TNNT1: variants seen among roughly 807,000 people sequenced by gnomAD.
TNNT1 encodes the protein troponin T, slow skeletal muscle.
In TNNT1, 53 loss-of-function variants were observed where a neutral mutation model predicts 50.6. The observed-to-expected ratio is 1.05, with a 90% confidence interval of 0.84 to 1.32. The LOEUF (loss-of-function observed/expected upper bound fraction) is 1.32, where lower values mean the gene tolerates loss of function less well. Ranked by LOEUF, TNNT1 falls within the 40% of genes most tolerant of loss-of-function variation. The pLI is 0.00. For missense variants in TNNT1, 348 were observed against 381.7 expected (o/e 0.91, Z 0.74); for synonymous variants, 142 against 138.0 (o/e 1.03, Z -0.20).
intron 9 of TNNT1, among the ~76,000 whole-genome samples, chr19:55,139,263 G>A (rs1356276831): frequency 6.6e-6 from 1 of 152,204 alleles, no homozygotes; most frequent in African/African-American, 2.4e-5. Context: ...GTCTCCCAAA[G>A]TGCTGGGATT....
intron 7 of TNNT1, 97 bp downstream of exon 7, chr19:55,141,760 A>C: frequency 7.0e-7 from 1 of 1,421,676 alleles, no homozygotes; most frequent in South Asian, 1.1e-5. Flanking sequence ...GATTACAGGC[A>C]TGAGGCCCCG....
intron 4 of TNNT1, 51 bp downstream of exon 4, chr19:55,146,630 T>TCCC: frequency 6.8e-6 from 7 of 1,025,170 alleles, no homozygotes; most frequent in Non-Finnish European, 9.7e-6. Flanking sequence ...GGGCCCAGCG[T>TCCC]CCCCGCCCCC....
At chr19:55,140,371 G>A (rs191969325) in intron 9 of TNNT1, among the ~76,000 whole-genome samples, 86 of 151,884 alleles carry the variant, frequency 5.7e-4, no homozygotes, top group African/African-American at 2.1e-3. Context: ...TCTGGAGGCT[G>A]AGGTGGGAAA....
chr19:55,143,703 C>A (rs1350999117), intron 6 of TNNT1, among the ~76,000 whole-genome samples: 1 of 152,166 alleles, frequency 6.6e-6, no homozygotes, highest in Non-Finnish European at 1.5e-5. Flanking sequence ...CCCCGACAGC[C>A]CCGTGAGCTG....
At chr19:55,136,140 A>G (rs1304965046) in intron 11 of TNNT1, among the ~76,000 whole-genome samples, 1 of 152,284 alleles carries the variant, frequency 6.6e-6, no homozygotes, top group East Asian at 1.9e-4. Context: ...TAGCTGTGCA[A>G]CCCTGGAAGG....
intron 6 of TNNT1, among the ~76,000 whole-genome samples, chr19:55,143,636 C>G (rs2085497262): frequency 6.6e-6 from 1 of 152,096 alleles, no homozygotes; most frequent in African/African-American, 2.4e-5. Context: ...CCATATTGTA[C>G]AGGAATGAAT....
intron 11 of TNNT1, chr19:55,135,463 G>GAC: frequency 3.2e-6 from 1 of 309,442 alleles, no homozygotes; most frequent in Middle Eastern, 9.1e-4. Flanking sequence ...GGAGTGCAGT[G>GAC]ACACCATCAC....
At chr19:55,138,923 G>C (rs184427220) in intron 9 of TNNT1, among the ~76,000 whole-genome samples, 3 of 152,312 alleles carry the variant, frequency 2.0e-5, no homozygotes, top group Admixed American at 1.3e-4. Context: ...ACAGTGGTTT[G>C]TCCAGGCTGA....
intron 9 of TNNT1, among the ~76,000 whole-genome samples, chr19:55,139,583 A>C (rs1345281332): frequency 6.6e-6 from 1 of 152,116 alleles, no homozygotes; most frequent in Non-Finnish European, 1.5e-5. Context: ...CCTTCCTCTT[A>C]TAAGGACCCT....
intron 9 of TNNT1, among the ~76,000 whole-genome samples, chr19:55,140,006 C>T (rs931190488): frequency 6.6e-6 from 1 of 151,930 alleles, no homozygotes; most frequent in Non-Finnish European, 1.5e-5. Flanking sequence ...TGCCTGTAAT[C>T]CCAGCTACTC....
At chr19:55,139,151 C>T (rs1364999232) in intron 9 of TNNT1, among the ~76,000 whole-genome samples, 3 of 152,162 alleles carry the variant, frequency 2.0e-5, no homozygotes, top group Non-Finnish European at 4.4e-5. Flanking sequence ...AGACATGTGC[C>T]ACCATTACCA....
Position 55,140,563 on chromosome 19 carries a change from G to A in TNNT1, c.387+320C>T. 2 of 163,076 alleles carry A rather than the reference G, an allele frequency of 1.2e-5. 1 individual carries two copies. The allele number at this position is 163,076 out of a possible 1,614,324, so 10.1% of individuals were successfully genotyped here. A position where few individuals can be genotyped will look rare whatever the true frequency, so the allele number is the denominator to read the frequency against. ...GAAGGCTGAGGTGGGCGGATCATGTGGTCAGAAGATCAAGACCATCCTGGC... is the reference window on the plus strand; with the variant it reads ...GAAGGCTGAGGTGGGCGGATCATGTAGTCAGAAGATCAAGACCATCCTGGC... On this transcript the variant is annotated intron_variant, in intron 9 of 13. Transcript: ENST00000588981.
chr19:55,145,023 G>C (rs1227131832), intron 6 of TNNT1, among the ~76,000 whole-genome samples: 2 of 152,044 alleles, frequency 1.3e-5, no homozygotes, highest in African/African-American at 2.4e-5. Flanking sequence ...GCTGGGCATG[G>C]TGGCTTGCGC....
chr19:55,138,149 G>A lies in TNNT1; in HGVS notation c.388-75C>T. 1.9e-6 allele frequency: 3 copies of A among 1,610,452 alleles called. No individual in the cohort carries two copies. The East Asian group carries it at 6.7e-5, about 36-fold the overall frequency. ...GAGGAGGGCCCTGGGATGTGGAACT[G>A]GGGCACAGGGATCAGCAGACCCAGT... On this transcript the variant is annotated intron_variant, in intron 9 of 13. Transcript: ENST00000588981.
intron 6 of TNNT1, among the ~76,000 whole-genome samples, chr19:55,143,445 C>T (rs1432925654): frequency 2.0e-5 from 3 of 152,068 alleles, no homozygotes; most frequent in East Asian, 3.9e-4. Flanking sequence ...CAGTGAAGAG[C>T]GATTCCAAGA....
rs115663668 is a variant in TNNT1, at chr19:55,140,974, A to G, written c.310-14T>C. ...CCGGCGCCGCTCCTGGGAAACGGAG[A>G]AGCATAAGGGGGTGCAGGGACGTAC... On this transcript the variant is annotated splice_polypyrimidine_tract_variant and intron_variant, in intron 8 of 13. Coordinates refer to ENST00000588981, the MANE Select transcript of TNNT1 (RefSeq NM_003283.6). 1,750 of 1,613,546 alleles carry G rather than the reference A, an allele frequency of 1.1e-3. 19 individuals carry two copies. The African/African-American group carries it at 0.021, about 19-fold the overall frequency.
intron 11 of TNNT1, among the ~76,000 whole-genome samples, chr19:55,135,071 A>C (rs939440967): frequency 2.6e-5 from 4 of 152,052 alleles, no homozygotes; most frequent in Non-Finnish European, 5.9e-5. Context: ...TTCTAGAAAT[A>C]GCCTCTTGTG....
chr19:55,137,268 C>A, intron 10 of TNNT1, 56 bp from the exon 11 acceptor site: 1 of 1,291,672 alleles, frequency 7.7e-7, no homozygotes, highest in Non-Finnish European at 1.1e-6. Flanking sequence ...CAGAGCACTG[C>A]CGTGTCGGGA....
chr19:55,135,211 C>G (rs2562511), intron 11 of TNNT1, among the ~76,000 whole-genome samples: 1 of 152,170 alleles, frequency 6.6e-6, no homozygotes, highest in Non-Finnish European at 1.5e-5. Flanking sequence ...CGTCTTCTTT[C>G]TGCTGCTTGG....
Sources: allele counts gnomAD v4.1 joint callset (sites outside exome capture counted in the v4.1 genomes callset), GRCh38; gene constraint gnomAD v4.1.1; transcripts MANE v1.5; gene names NCBI Gene and HGNC (gene_info 2026-07-23, HGNC 2026-07-21).